Variants in NATD1 observed in about 807,000 individuals in gnomAD.
NATD1 encodes the protein protein NATD1.
NATD1 carries 9 observed loss-of-function variants against 12.0 expected under a neutral mutation model. The ratio of observed to expected loss-of-function variants is 0.75; its 90% CI spans 0.45 to 1.30. The LOEUF (loss-of-function observed/expected upper bound fraction) is 1.30, where lower values mean the gene tolerates loss of function less well. NATD1 is among the 50% of genes most tolerant of loss of function. NATD1 has a pLI of 0.00. For synonymous variants in NATD1, 71 were observed against 65.9 expected, an observed-to-expected ratio of 1.08 and a Z score of -0.37; for missense variants, 148 against 148.5, an observed-to-expected ratio of 1.00 and a Z score of 0.02.
chr17:21,250,792 C>A (rs920939940), intron 1 of NATD1, among the ~76,000 whole-genome samples: 1 of 152,160 alleles, frequency 6.6e-6, no homozygotes, highest in Non-Finnish European at 1.5e-5. Context: ...AACCAGAGCT[C>A]GCAGGAAGAG....
In NATD1 at chr17:21,244,735, G is replaced by A. The variant is rs559828531; in HGVS notation, c.107-511C>T. Among the ~76,000 whole-genome samples the A allele has an allele frequency of 6.6e-6, 1 of 152,350 alleles. No individual in the cohort carries two copies. The highest frequency in any genetic ancestry group is 2.1e-4 in the South Asian group (1 of 4,828). The stretch of plus-strand genomic sequence containing the variant: ...ACGCAGCAGGAAAGATCAGAGGCCT[G>A]TGGTAGAGTTCATGAGAAACTGACG... On this transcript the variant is annotated intron_variant, in intron 1 of 2. Coordinates refer to ENST00000611551, the MANE Select transcript of NATD1 (RefSeq NM_152914.3). The surrounding 1 kb of genome is among the most constrained non-coding windows in gnomAD (Gnocchi z 5.2).
chr17:21,253,343 C>A lies in NATD1; in HGVS notation c.-79G>T. 3 of 589,360 alleles carry A rather than the reference C, an allele frequency of 5.1e-6. No individual in the cohort carries two copies. Among genetic ancestry groups the A allele is most frequent in the Non-Finnish European group, 6.4e-6 (3 of 470,898 alleles). The allele number at this position is 589,360 out of a possible 1,614,324, so 36.5% of individuals were successfully genotyped here. A position where few individuals can be genotyped will look rare whatever the true frequency, so the allele number is the denominator to read the frequency against. On this transcript the variant is annotated 5_prime_UTR_variant, in exon 1 of 3. Transcript: ENST00000611551. ...GGTCAGGCGCGCGGCGGGGCTGGAGCGCGGGCGCAGGCGGCAGGCGGTGGG... is the reference window on the plus strand; with the variant it reads ...GGTCAGGCGCGCGGCGGGGCTGGAGAGCGGGCGCAGGCGGCAGGCGGTGGG...
Position 21,239,313 on chromosome 17 carries a change from C to G in NATD1, c.*4000G>C, listed in dbSNP as rs972979708. ...TTATTGCTTTTAAGGCTGTCATGAG[C>G]AGACATAAGACCTCATATCACACAA... On this transcript the variant is annotated 3_prime_UTR_variant, in exon 3 of 3. Transcript: ENST00000611551. 2.0e-5 allele frequency: 3 copies of G among 152,218 alleles called. No individual in the cohort carries two copies. The highest frequency in any genetic ancestry group is 7.2e-5 in the African/African-American group (3 of 41,424). The allele number at this position is 152,218 out of a possible 1,614,324, so 9.4% of individuals were successfully genotyped here. A position where few individuals can be genotyped will look rare whatever the true frequency, so the allele number is the denominator to read the frequency against.
chr17:21,243,245 G>C lies in NATD1; in HGVS notation c.*68C>G. The C allele has an allele frequency of 7.9e-7, 1 of 1,260,518 alleles. No individual in the cohort carries two copies. Among genetic ancestry groups the C allele is most frequent in the South Asian group, 1.2e-5 (1 of 80,236 alleles). The allele number at this position is 1,260,518 out of a possible 1,614,324, so 78.1% of individuals were successfully genotyped here. A position where few individuals can be genotyped will look rare whatever the true frequency, so the allele number is the denominator to read the frequency against. ...TCCCAGTGGGACCAGGTTCCTGAGAGCACGTGGGGCCAGGCAAAGGCCACG... is the reference window on the plus strand; with the variant it reads ...TCCCAGTGGGACCAGGTTCCTGAGACCACGTGGGGCCAGGCAAAGGCCACG... On this transcript the variant is annotated 3_prime_UTR_variant, in exon 3 of 3. Transcript: ENST00000611551.
intron 1 of NATD1, among the ~76,000 whole-genome samples, chr17:21,250,653 G>A (rs75308579): frequency 0.014 from 2,153 of 152,264 alleles, 58 homozygotes; most frequent in African/African-American, 0.048. Flanking sequence ...ATCTGTATAT[G>A]GGAAATGCAG....
rs1011986862 is a variant in NATD1, at chr17:21,242,626, T to A, written c.*687A>T. On this transcript the variant is annotated 3_prime_UTR_variant, in exon 3 of 3. Coordinates refer to ENST00000611551, the MANE Select transcript of NATD1 (RefSeq NM_152914.3). ...CCTACACGAGAGGCCAAAAAAAAGA[T>A]GGGGGTACCAAGGAGAGGAAAACAC... The A allele has an allele frequency of 1.3e-5, 2 of 152,780 alleles. No homozygotes were observed. The highest frequency in any genetic ancestry group is 1.3e-4 in the Admixed American group (2 of 15,282). 9.5% of individuals were successfully genotyped at this position (152,780 alleles called of 1,614,324 possible).
chr17:21,249,043 G>A (rs993310956), intron 1 of NATD1, among the ~76,000 whole-genome samples: 2 of 152,044 alleles, frequency 1.3e-5, no homozygotes, highest in South Asian at 2.1e-4. Context: ...CCTGAACCTC[G>A]GGACCAAAGG....
chr17:21,243,414 C>CGAA lies in NATD1; in HGVS notation c.238_240dup (p.Phe80dup). 6.2e-7 allele frequency: 1 copy of CGAA among 1,613,124 alleles called. No individual in the cohort carries two copies. Among genetic ancestry groups the CGAA allele is most frequent in the South Asian group, 1.1e-5 (1 of 91,086 alleles). On this transcript the variant is annotated inframe_insertion, in exon 3 of 3. Transcript: ENST00000611551. ...TGGGCCTTCAGGTCCTCCTCCACCA[C>CGAA]GAAGTCCAGGGCGGCCTGGGAGCCG... is the stretch of plus-strand genomic sequence containing the variant.
chr17:21,250,363 AC>A (rs1456399928), intron 1 of NATD1, among the ~76,000 whole-genome samples: 1 of 152,088 alleles, frequency 6.6e-6, no homozygotes, highest in Non-Finnish European at 1.5e-5. Context: ...GCCTTCCTAG[AC>A]ACATGATTGT....
At position 21,252,631 on chromosome 17, in the gene NATD1, C is replaced by T. The variant is rs998379766; in HGVS notation, c.106+528G>A. Among the ~76,000 whole-genome samples the T allele has an allele frequency of 1.5e-3, 231 of 152,220 alleles. 1 individual carries two copies. The highest frequency in any genetic ancestry group is 5.4e-3 in the African/African-American group (225 of 41,554). On this transcript the variant is annotated intron_variant, in intron 1 of 2. Coordinates refer to ENST00000611551, the MANE Select transcript of NATD1 (RefSeq NM_152914.3). ...CCACAAGCCCCTTTCGCGGTCAGCC[C>T]CAGGTCCGCAGGCCTCCCCCGTGTA...
intron 1 of NATD1, among the ~76,000 whole-genome samples, chr17:21,252,451 C>G (rs1016219257): frequency 1.3e-5 from 2 of 152,204 alleles, no homozygotes; most frequent in African/African-American, 4.8e-5. Flanking sequence ...AGTCTTTCAT[C>G]CTTACAACTA....
intron 1 of NATD1, among the ~76,000 whole-genome samples, chr17:21,245,935 G>A (rs1295602159): frequency 6.6e-6 from 1 of 152,210 alleles, no homozygotes; most frequent in Non-Finnish European, 1.5e-5. Flanking sequence ...CGCCTGTCCT[G>A]GCTGCACAGC....
chr17:21,243,266 C>G lies in NATD1; in HGVS notation c.*47G>C. Reference sequence around the variant, plus strand: ...GAGAGCACGTGGGGCCAGGCAAAGGCCACGTGGAAGAGTCCGGCAGGGAGC... The same window carrying G: ...GAGAGCACGTGGGGCCAGGCAAAGGGCACGTGGAAGAGTCCGGCAGGGAGC... On this transcript the variant is annotated 3_prime_UTR_variant, in exon 3 of 3. Transcript: ENST00000611551. The G allele has an allele frequency of 6.6e-7, 1 of 1,521,706 alleles. No individual in the cohort carries two copies. 94.3% of individuals were successfully genotyped at this position (1,521,706 alleles called of 1,614,324 possible).
chr17:21,248,849 C>G (rs1975350749), intron 1 of NATD1, among the ~76,000 whole-genome samples: 1 of 152,162 alleles, frequency 6.6e-6, no homozygotes, highest in Non-Finnish European at 1.5e-5. Context: ...TGATCTTATG[C>G]CAGTCCTGAC....
intron 1 of NATD1, among the ~76,000 whole-genome samples, chr17:21,252,130 G>A (rs1821853896): frequency 6.6e-6 from 1 of 152,160 alleles, no homozygotes; most frequent in African/African-American, 2.4e-5. Context: ...GGCCAACATG[G>A]TGAAAGCCTG....
At chr17:21,247,644 T>C (rs768607269) in intron 1 of NATD1, among the ~76,000 whole-genome samples, 2 of 152,202 alleles carry the variant, frequency 1.3e-5, no homozygotes, top group Non-Finnish European at 2.9e-5. Flanking sequence ...AGACTGGAAC[T>C]GAGGGCCCTG....
chr17:21,251,706 C>G (rs940044262), intron 1 of NATD1, among the ~76,000 whole-genome samples: 1 of 152,230 alleles, frequency 6.6e-6, no homozygotes, highest in Non-Finnish European at 1.5e-5. Flanking sequence ...CAAATGGCAT[C>G]GGAGATCTGG....
At chr17:21,252,518 C>G (rs2034519517) in intron 1 of NATD1, among the ~76,000 whole-genome samples, 2 of 152,144 alleles carry the variant, frequency 1.3e-5, no homozygotes, top group Non-Finnish European at 2.9e-5. Context: ...AACTAAGGCA[C>G]ACAGAAGTGA....
intron 1 of NATD1, among the ~76,000 whole-genome samples, chr17:21,248,720 C>G (rs1975349360): frequency 6.6e-6 from 1 of 152,174 alleles, no homozygotes; most frequent in Non-Finnish European, 1.5e-5. Context: ...GCTCTAAGAG[C>G]TGCCTTGAGA....
Sources: gnomAD v4.1 joint callset for allele counts (sites outside exome capture counted in the v4.1 genomes callset) on GRCh38, gnomAD v4.1.1 for gene constraint, Gnocchi (gnomAD v3.1) non-coding constraint, MANE v1.5 for transcripts, NCBI Gene and HGNC (gene_info 2026-07-23, HGNC 2026-07-21) for gene names.